The following KIF21B variants were observed in gnomAD, a reference collection of about 807,000 sequenced individuals.
The protein encoded by KIF21B is kinesin family member 21B, also known as kinesin-like protein KIF21B.
In KIF21B, 85 loss-of-function variants were observed where a neutral mutation model predicts 192.9. That is an observed-to-expected ratio of 0.44 (90% confidence interval 0.37 to 0.53). KIF21B has a LOEUF of 0.53. KIF21B is among the 20% of genes least tolerant of loss of function. KIF21B has a pLI of 0.00. For synonymous variants in KIF21B, 832 were observed against 884.6 expected (o/e 0.94, Z 1.05); for missense variants, 1,716 against 2,194.8 (o/e 0.78, Z 4.36).
intron 1 of KIF21B, among the ~76,000 whole-genome samples, chr1:201,010,512 G>A (rs542397520): frequency 2.6e-5 from 4 of 152,232 alleles, no homozygotes; most frequent in Admixed American, 1.3e-4. Context: ...GCAAGCATGC[G>A]TGTACAGGGA....
intron 31 of KIF21B, 49 bp from the exon 32 acceptor site, chr1:200,976,942 C>T (rs750446360): frequency 6.9e-7 from 1 of 1,443,622 alleles, no homozygotes; most frequent in Non-Finnish European, 9.6e-7. Context: ...AGAGGGGACC[C>T]TGGGTTGGGG....
chr1:200,970,638 G>A lies in KIF21B; in HGVS notation c.*2883C>T, dbSNP rs1315836467. On this transcript the variant is annotated 3_prime_UTR_variant, in exon 35 of 35. Transcript: ENST00000461742. ...GCTGAAGAGGCCCAAGGGCAGTGGGGATGGAAGACTCCTTCTATCCAGGGA... is the reference window on the plus strand; with the variant it reads ...GCTGAAGAGGCCCAAGGGCAGTGGGAATGGAAGACTCCTTCTATCCAGGGA... 1.3e-5 allele frequency: 2 copies of A among 152,526 alleles called. No individual in the cohort carries two copies. Among genetic ancestry groups the A allele is most frequent in the Non-Finnish European group, 2.9e-5 (2 of 68,140 alleles). The allele number at this position is 152,526 out of a possible 1,614,324, so 9.4% of individuals were successfully genotyped here. A position where few individuals can be genotyped will look rare whatever the true frequency, so the allele number is the denominator to read the frequency against.
At chr1:201,008,600 A>G (rs1335056611) in intron 3 of KIF21B, among the ~76,000 whole-genome samples, 169 bp downstream of exon 3, 3 of 152,176 alleles carry the variant, frequency 2.0e-5, no homozygotes, top group African/African-American at 4.8e-5. Context: ...TGTCCCACCA[A>G]GTAGTCCTCC....
intron 26 of KIF21B, among the ~76,000 whole-genome samples, chr1:200,985,783 CCCCCTCCCCTCCCCT>C (rs1382642502): frequency 1.3e-5 from 1 of 78,696 alleles, no homozygotes; most frequent in Non-Finnish European, 2.3e-5. Flanking sequence ...CCCTCCCCTT[CCCCCTCCCCTCCCCT>C]CCCCTCCCCT....
At chr1:201,001,481 G>A (rs1211201085) in intron 9 of KIF21B, 2 of 152,614 alleles carry the variant, frequency 1.3e-5, no homozygotes, top group African/African-American at 4.8e-5. Context: ...CCCGGGCTCA[G>A]GCAATCCTTC....
At chr1:200,983,942 G>A (rs1047072600) in intron 27 of KIF21B, among the ~76,000 whole-genome samples, 1 of 152,200 alleles carries the variant, frequency 6.6e-6, no homozygotes, top group South Asian at 2.1e-4. Context: ...CAGGCACTAG[G>A]TACAAGGACA....
At chr1:200,995,002 C>T (rs749198919) in intron 15 of KIF21B, among the ~76,000 whole-genome samples, 5 of 152,358 alleles carry the variant, frequency 3.3e-5, no homozygotes, top group Admixed American at 6.5e-5. Flanking sequence ...GGTCTGAGCA[C>T]AGCAAGGCAG....
intron 27 of KIF21B, 103 bp downstream of exon 27, chr1:200,984,756 G>T (rs1656175959): frequency 1.4e-6 from 1 of 740,044 alleles, no homozygotes; most frequent in Middle Eastern, 2.4e-4. Context: ...ACTTCAGGCT[G>T]GGGTTGGCTT....
rs1657249422 is a variant in KIF21B, at chr1:200,998,795, G to A, written c.1886-220C>T. 6.6e-6 allele frequency among the ~76,000 whole-genome samples: 1 copy of A among 151,030 alleles called. No homozygotes were observed. Among genetic ancestry groups the A allele is most frequent in the South Asian group, 2.1e-4 (1 of 4,788 alleles). On this transcript the variant is annotated intron_variant, in intron 13 of 34. Coordinates refer to ENST00000461742, the MANE Select transcript of KIF21B (RefSeq NM_001252102.2). This position sits in a 1 kb window ranked among gnomAD's most constrained non-coding sequence, Gnocchi z 4.3. ...CAGAAAGGCAAGGTAGGGCTCAGGA[G>A]CTGGCAGGGGGGATCTACACGTCCT...
chr1:201,023,275 C>T lies in KIF21B; in HGVS notation c.41+68G>A, dbSNP rs1054932844. 3.1e-5 allele frequency: 43 copies of T among 1,401,806 alleles called. No individual in the cohort carries two copies. The East Asian group carries it at 1.1e-3, about 37-fold the overall frequency. 86.8% of individuals were successfully genotyped at this position (1,401,806 alleles called of 1,614,324 possible). On this transcript the variant is annotated intron_variant, in intron 1 of 34. Coordinates refer to ENST00000461742, the MANE Select transcript of KIF21B (RefSeq NM_001252102.2). The surrounding 1 kb of genome is among the most constrained non-coding windows in gnomAD (Gnocchi z 5.9). ...GCCCAAGCGGTGCTCGCGCCCCCCG[C>T]CCAAAGCCCACGCGAGACAAAGCCC... is the stretch of plus-strand genomic sequence containing the variant.
Position 201,000,080 on chromosome 1 carries a change from C to T in KIF21B, c.1686-116G>A. Reference sequence around the variant, plus strand: ...CTCTCACCAGAGGCCGGGGAGAGCACTGGCTCCTACTCTGCAGAGAACCCC... The same window carrying T: ...CTCTCACCAGAGGCCGGGGAGAGCATTGGCTCCTACTCTGCAGAGAACCCC... On this transcript the variant is annotated intron_variant, in intron 11 of 34. Coordinates refer to ENST00000461742, the MANE Select transcript of KIF21B (RefSeq NM_001252102.2). The surrounding 1 kb of genome is among the most constrained non-coding windows in gnomAD (Gnocchi z 6.0). 2 of 910,132 alleles carry T rather than the reference C, an allele frequency of 2.2e-6. No individual in the cohort carries two copies. Among genetic ancestry groups the T allele is most frequent in the Non-Finnish European group, 1.8e-6 (1 of 569,374 alleles). The allele number at this position is 910,132 out of a possible 1,614,324, so 56.4% of individuals were successfully genotyped here. A position where few individuals can be genotyped will look rare whatever the true frequency, so the allele number is the denominator to read the frequency against.
intron 24 of KIF21B, among the ~76,000 whole-genome samples, chr1:200,988,045 G>T (rs2102404897): frequency 6.6e-6 from 1 of 152,330 alleles, no homozygotes; most frequent in South Asian, 2.1e-4. Context: ...TGCTAGCAGG[G>T]TGGCAACAGA....
rs1655210848 is a variant in KIF21B, at chr1:200,971,486, C to T, written c.*2035G>A. ...GACAGAGTCTTACGTGTTTCTATCG[C>T]TTGTAAACAGTCATGCGGACGGATT... On this transcript the variant is annotated 3_prime_UTR_variant, in exon 35 of 35. Transcript: ENST00000461742. 1 of 152,418 alleles carries T rather than the reference C, an allele frequency of 6.6e-6. No individual in the cohort carries two copies. Among genetic ancestry groups the T allele is most frequent in the South Asian group, 2.1e-4 (1 of 4,836 alleles). The allele number at this position is 152,418 out of a possible 1,614,324, so 9.4% of individuals were successfully genotyped here. A position where few individuals can be genotyped will look rare whatever the true frequency, so the allele number is the denominator to read the frequency against.
rs1655786733 is a variant in KIF21B, at chr1:200,979,651, G to A, written c.4044C>T (p.Pro1348=). The change falls in exon 30 of 35, where the codon CCC becomes CCT. Residue 1348 remains proline, a synonymous_variant. Coordinates refer to ENST00000461742, the MANE Select transcript of KIF21B (RefSeq NM_001252102.2). ...GQEIAALKGH[P]NNVVSIKYCS... The stretch of plus-strand genomic sequence containing the variant: ...AGTACTTGATGGAGACCACGTTGTT[G>A]GGGTGGCCCTTTAGAGCTGCGATCT... 6.3e-7 allele frequency: 1 copy of A among 1,586,560 alleles called. No homozygotes were observed.
In KIF21B at chr1:201,012,365, T is replaced by C. The variant is rs186530623; in HGVS notation, c.42-2877A>G. 1.5e-3 allele frequency among the ~76,000 whole-genome samples: 230 copies of C among 152,262 alleles called. 1 individual carries two copies. Among genetic ancestry groups the C allele is most frequent in the African/African-American group, 5.4e-3 (223 of 41,556 alleles). On this transcript the variant is annotated intron_variant, in intron 1 of 34. Coordinates refer to ENST00000461742, the MANE Select transcript of KIF21B (RefSeq NM_001252102.2). ...GGGAGAGACTGTTGGACTGACTGAA[T>C]GAATAAATGGAAATGGAAGCAAAGG...
chr1:200,993,018 C>T (rs1383611301), intron 15 of KIF21B, among the ~76,000 whole-genome samples: 4 of 152,202 alleles, frequency 2.6e-5, no homozygotes, highest in Admixed American at 6.5e-5. Context: ...AACAAATCAT[C>T]GCCTCCCAGT....
At position 200,973,616 on chromosome 1, in the gene KIF21B, T is replaced by G. The variant is rs570488312; in HGVS notation, c.4815-38A>C. ...ACAAAGTGGAGGGGTGCCGGTCAGC[T>G]CTTGCAGTGGGCTTGGCTGGCTGCC... On this transcript the variant is annotated intron_variant, in intron 34 of 34. Transcript: ENST00000461742. The G allele has an allele frequency of 8.5e-6, 13 of 1,523,948 alleles. No homozygotes were observed. The East Asian group carries it at 3.0e-4, about 35-fold the overall frequency. 94.4% of individuals were successfully genotyped at this position (1,523,948 alleles called of 1,614,324 possible). A position where few individuals can be genotyped will look rare whatever the true frequency, so the allele number is the denominator to read the frequency against.
chr1:200,988,289 G>A lies in KIF21B; in HGVS notation c.3408+7C>T. ...GCACCCACTGCCTGACTTCCGGCGGGGCTCACCTTGAACTTGAAATCGTCA... is the reference window on the plus strand; with the variant it reads ...GCACCCACTGCCTGACTTCCGGCGGAGCTCACCTTGAACTTGAAATCGTCA... On this transcript the variant is annotated splice_region_variant and intron_variant, in intron 24 of 34. Transcript: ENST00000461742. 2 of 1,613,524 alleles carry A rather than the reference G, an allele frequency of 1.2e-6. No homozygotes were observed. The highest frequency in any genetic ancestry group is 1.7e-6 in the Non-Finnish European group (2 of 1,179,886).
At chr1:200,979,309 A>T (rs1375995530) in intron 30 of KIF21B, among the ~76,000 whole-genome samples, 2 of 152,188 alleles carry the variant, frequency 1.3e-5, no homozygotes, top group Admixed American at 1.3e-4. Flanking sequence ...GGTGGAGGCC[A>T]GGCAGGCCAA....
Sources: gnomAD v4.1 joint callset for allele counts (sites outside exome capture counted in the v4.1 genomes callset) on GRCh38, gnomAD v4.1.1 for gene constraint, Gnocchi (gnomAD v3.1) non-coding constraint, MANE v1.5 for transcripts, NCBI Gene and HGNC (gene_info 2026-07-23, HGNC 2026-07-21) for gene names.